CSF3R: variants seen among roughly 807,000 people sequenced by gnomAD.
CSF3R encodes the protein colony stimulating factor 3 receptor, also known as granulocyte colony-stimulating factor receptor.
CSF3R carries 52 observed loss-of-function variants against 84.4 expected under a neutral mutation model. The observed-to-expected ratio is 0.62, with a 90% CI of 0.49 to 0.78. The LOEUF (loss-of-function observed/expected upper bound fraction) is 0.78. Among genes scored for constraint, CSF3R ranks in the 30% least tolerant of loss-of-function variants. CSF3R has a pLI of 0.00. For synonymous variants in CSF3R, 384 were observed against 429.1 expected, an observed-to-expected ratio of 0.89 and a Z score of 1.30; for missense variants, 890 against 1,055.7, an observed-to-expected ratio of 0.84 and a Z score of 2.17.
Position 36,467,985 on chromosome 1 carries a change from A to G in CSF3R, c.1724-23T>C, listed in dbSNP as rs374981144. On this transcript the variant is annotated intron_variant, in intron 13 of 16. Coordinates refer to ENST00000373106, the MANE Select transcript of CSF3R (RefSeq NM_000760.4). The surrounding 1 kb of genome is among the most constrained non-coding windows in gnomAD (Gnocchi z 4.1). ...CGGCTGGGAGGGGTGTACGGTCAGC[A>G]TAGGCCTGGATGGTAAAGCTGCCTC... The G allele has an allele frequency of 4.3e-6, 7 of 1,614,096 alleles. No homozygotes were observed. The highest frequency in any genetic ancestry group is 3.3e-4 in the Middle Eastern group (2 of 6,084).
At chr1:36,477,450 A>G (rs1355372190) in intron 3 of CSF3R, 1 of 151,196 alleles carries the variant, frequency 6.6e-6, no homozygotes, top group Non-Finnish European at 1.5e-5. Context: ...TTTAGTAGAG[A>G]TGGGTTTTCA....
intron 5 of CSF3R, 70 bp downstream of exon 5, chr1:36,473,694 G>A (rs1650934143): frequency 3.1e-6 from 5 of 1,613,952 alleles, no homozygotes; most frequent in East Asian, 2.2e-5. Flanking sequence ...CCAGAGGCAT[G>A]CCCAGCATCC....
chr1:36,483,265 C>G (rs1044286709), upstream of CSF3R: 3 of 152,296 alleles, frequency 2.0e-5, no homozygotes, highest in Admixed American at 2.0e-4. Context: ...TCACCCGGCC[C>G]TAAGCCTCTT....
chr1:36,469,756 T>C lies in CSF3R; in HGVS notation c.1370A>G (p.Gln457Arg), dbSNP rs2124111081. 6.2e-7 allele frequency: 1 copy of C among 1,614,178 alleles called. No homozygotes were observed. Among genetic ancestry groups the C allele is most frequent in the South Asian group, 1.1e-5 (1 of 91,084 alleles). The stretch of plus-strand genomic sequence containing the variant: ...CAGGCCCCACTCAATCACATAGCCC[T>C]GAGGCCATGGATTGGGGGGCTCCCA... The part of the protein sequence containing the change: ...VGWEPPNPWP[Q>R]GYVIEWGLGP... The change falls in exon 11 of 17, where the codon CAG becomes CGG. Residue 457 changes from glutamine (Q) to arginine (R), a missense_variant. Physicochemically the swap from Gln to Arg is conservative, Grantham distance 43. Coordinates refer to ENST00000373106, the MANE Select transcript of CSF3R (RefSeq NM_000760.4).
At chr1:36,476,724 G>C (rs1651178138) in intron 3 of CSF3R, among the ~76,000 whole-genome samples, 1 of 150,974 alleles carries the variant, frequency 6.6e-6, no homozygotes, top group Non-Finnish European at 1.5e-5. Context: ...GCAGTGGCAC[G>C]ATCACGGCTC....
At chr1:36,480,732 G>A (rs1651467218) in intron 2 of CSF3R, among the ~76,000 whole-genome samples, 1 of 152,252 alleles carries the variant, frequency 6.6e-6, no homozygotes, top group African/African-American at 2.4e-5. Context: ...AGACAGAGGT[G>A]TGGATAAGAA....
In CSF3R at chr1:36,466,915, G is replaced by C; in HGVS notation, c.2041-88C>G. On this transcript the variant is annotated intron_variant, in intron 16 of 16. Transcript: ENST00000373106. The surrounding 1 kb of genome is among the most constrained non-coding windows in gnomAD (Gnocchi z 4.6). ...CCTGTCTGGGTCCGGGCAGCTGTGGGGACATTCAACTGTTGTTACTGGTGG... is the reference window on the plus strand; with the variant it reads ...CCTGTCTGGGTCCGGGCAGCTGTGGCGACATTCAACTGTTGTTACTGGTGG... 1 of 1,613,592 alleles carries C rather than the reference G, an allele frequency of 6.2e-7. No homozygotes were observed.
chr1:36,469,963 T>C (rs971283758), intron 10 of CSF3R, 123 bp from the exon 11 acceptor site: 2 of 988,938 alleles, frequency 2.0e-6, no homozygotes, highest in African/African-American at 3.2e-5. Context: ...TAGGTCAACA[T>C]CTTAGCCTCA....
In CSF3R at chr1:36,468,117, G is replaced by C. The variant is rs1198283969; in HGVS notation, c.1681C>G (p.His561Asp). The C allele has an allele frequency of 6.2e-7, 1 of 1,614,224 alleles. No individual in the cohort carries two copies. The highest frequency in any genetic ancestry group is 1.7e-5 in the Admixed American group (1 of 60,032). Residue 561 changes from histidine to aspartate, a missense_variant, in exon 13 of 17, where the codon CAC becomes GAC. By Grantham distance (81) the His-to-Asp change is moderately conservative. Coordinates refer to ENST00000373106, the MANE Select transcript of CSF3R (RefSeq NM_000760.4). ...PPELGKSPLT[H>D]YTIFWTNAQN... The stretch of plus-strand genomic sequence containing the variant: ...GCGTTGGTCCAGAAGATGGTGTAGT[G>C]GGTAAGGGGGCTCTTCCCCAGCTCA...
chr1:36,472,322 G>A lies in CSF3R; in HGVS notation c.913C>T (p.Leu305=). The A allele has an allele frequency of 6.2e-7, 1 of 1,614,228 alleles. No homozygotes were observed. The highest frequency in any genetic ancestry group is 8.5e-7 in the Non-Finnish European group (1 of 1,180,032). ...CGLLPATAYT[L]QIRCIRWPLP... is the part of the protein sequence containing the mutation. ...GGCCAGCGGATGCAGCGTATCTGCA[G>A]GGTGTAGGCCGTGGCTGGGAGGAGC... Residue 305 remains leucine, a synonymous_variant, in exon 8 of 17, where the codon CTG becomes TTG. Transcript: ENST00000373106. This position sits in a 1 kb window ranked among gnomAD's most constrained non-coding sequence, Gnocchi z 5.0.
In CSF3R at chr1:36,474,011, CCT is replaced by C. The variant is rs1338003958; in HGVS notation, c.362-126_362-125del. The stretch of plus-strand genomic sequence containing the variant: ...CCTCTGTTGTCACCTTGTCTGTCCC[CCT>C]GTCTCCAGGCAGAGTGGCTCTGGAA... On this transcript the variant is annotated intron_variant, in intron 4 of 16. Coordinates refer to ENST00000373106, the MANE Select transcript of CSF3R (RefSeq NM_000760.4). 5.8e-5 allele frequency: 84 copies of C among 1,443,346 alleles called. No individual in the cohort carries two copies. The Middle Eastern group carries it at 9.8e-4, about 17-fold the overall frequency. The allele number at this position is 1,443,346 out of a possible 1,614,324, so 89.4% of individuals were successfully genotyped here. A position where few individuals can be genotyped will look rare whatever the true frequency, so the allele number is the denominator to read the frequency against.
At chr1:36,471,386 T>C in intron 10 of CSF3R, 47 bp downstream of exon 10, 10 of 1,567,014 alleles carry the variant, frequency 6.4e-6, no homozygotes, top group East Asian at 2.2e-5. Context: ...AGCCTTTGAA[T>C]TGATGCGCTT....
intron 11 of CSF3R, 73 bp downstream of exon 11, chr1:36,469,579 C>T (rs776942736): frequency 1.0e-4 from 161 of 1,561,942 alleles, no homozygotes; most frequent in Non-Finnish European, 1.4e-4. Context: ...TTCAGGTTGT[C>T]CCATGCCTAT....
Position 36,466,259 on chromosome 1 carries a change from T to A in CSF3R, c.*98A>T. On this transcript the variant is annotated 3_prime_UTR_variant, in exon 17 of 17. Coordinates refer to ENST00000373106, the MANE Select transcript of CSF3R (RefSeq NM_000760.4). The surrounding 1 kb of genome is among the most constrained non-coding windows in gnomAD (Gnocchi z 4.6). ...GACTGGAGATGGTGAGAGCCTGGGCTGGGGTAGTTTTTAGTCATGGGCTTA... is the reference window on the plus strand; with the variant it reads ...GACTGGAGATGGTGAGAGCCTGGGCAGGGGTAGTTTTTAGTCATGGGCTTA... 6.2e-7 allele frequency: 1 copy of A among 1,613,232 alleles called. No homozygotes were observed. The highest frequency in any genetic ancestry group is 8.5e-7 in the Non-Finnish European group (1 of 1,179,656).
chr1:36,472,667 C>T lies in CSF3R; in HGVS notation c.693G>A (p.Met231Ile), dbSNP rs1468169521. Residue 231 changes from methionine to isoleucine, a missense_variant, in exon 7 of 17, where the codon ATG becomes ATA. By Grantham distance (10) the Met-to-Ile change is conservative. Coordinates refer to ENST00000373106, the MANE Select transcript of CSF3R (RefSeq NM_000760.4). The surrounding 1 kb of genome is among the most constrained non-coding windows in gnomAD (Gnocchi z 5.0). ...PMDVVKLEPP[M>I]LRTMDPSPEA... is the part of the protein sequence containing the mutation. ...CAGGGCTGGGGTCCATGGTCCGCAG[C>T]ATGGGGGGCTCCAGTTTCACTGCAA... is the stretch of plus-strand genomic sequence containing the variant. 3 of 1,602,016 alleles carry T rather than the reference C, an allele frequency of 1.9e-6. No individual in the cohort carries two copies. The highest frequency in any genetic ancestry group is 2.6e-6 in the Non-Finnish European group (3 of 1,172,646).
Position 36,467,116 on chromosome 1 carries a change from G to T in CSF3R, c.2040+114C>A. 1.5e-6 allele frequency: 2 copies of T among 1,326,328 alleles called. No homozygotes were observed. The highest frequency in any genetic ancestry group is 1.2e-5 in the South Asian group (1 of 83,462). 82.2% of individuals were successfully genotyped at this position (1,326,328 alleles called of 1,614,324 possible). On this transcript the variant is annotated intron_variant, in intron 16 of 16. Coordinates refer to ENST00000373106, the MANE Select transcript of CSF3R (RefSeq NM_000760.4). This position sits in a 1 kb window ranked among gnomAD's most constrained non-coding sequence, Gnocchi z 4.1. ...TGGGTCTGCTTCAGTCCAAAGGGAC[G>T]AGATGTTGCCGGAAGTGACAGGAAG... is the stretch of plus-strand genomic sequence containing the variant.
Position 36,472,760 on chromosome 1 carries a change from C to G in CSF3R, c.674-74G>C. 3.5e-6 allele frequency: 5 copies of G among 1,443,952 alleles called. No individual in the cohort carries two copies. The highest frequency in any genetic ancestry group is 4.6e-6 in the Non-Finnish European group (5 of 1,089,614). 89.4% of individuals were successfully genotyped at this position (1,443,952 alleles called of 1,614,324 possible). ...GCTCTGCCTTAGCTCCCTCTTGTCT[C>G]CCTGTCTGTGGTTCACCATCTGTCC... On this transcript the variant is annotated intron_variant, in intron 6 of 16. Coordinates refer to ENST00000373106, the MANE Select transcript of CSF3R (RefSeq NM_000760.4). The surrounding 1 kb of genome is among the most constrained non-coding windows in gnomAD (Gnocchi z 5.0).
In CSF3R at chr1:36,481,552, T is replaced by G. The variant is rs1240984880; in HGVS notation, c.-80-15A>C. The G allele has an allele frequency of 6.6e-6, 1 of 152,222 alleles. No individual in the cohort carries two copies. The highest frequency in any genetic ancestry group is 1.5e-5 in the Non-Finnish European group (1 of 68,032). 9.4% of individuals were successfully genotyped at this position (152,222 alleles called of 1,614,324 possible). On this transcript the variant is annotated splice_polypyrimidine_tract_variant and intron_variant, in intron 1 of 16. Transcript: ENST00000373106. Reference sequence around the variant, plus strand: ...AGTTTCCCCATCTGTGGGAAAGAAATAACATTAGCACTCACTCCTCAGCGT... The same window carrying G: ...AGTTTCCCCATCTGTGGGAAAGAAAGAACATTAGCACTCACTCCTCAGCGT...
Position 36,472,371 on chromosome 1 carries a change from C to T in CSF3R, c.864G>A (p.Glu288=), listed in dbSNP as rs1244122140. 8 of 1,614,142 alleles carry T rather than the reference C, an allele frequency of 5.0e-6. No homozygotes were observed. The highest frequency in any genetic ancestry group is 1.1e-5 in the South Asian group (1 of 91,088). The part of the protein sequence containing the change: ...SWALVGPLPL[E]ALQYELCGLL... ...GCCCGCAGAGCTCATACTGAAGGGC[C>T]TCCAAGGGGAGGGGGCCCACCTGGT... The change falls in exon 8 of 17, where the codon GAG becomes GAA. Residue 288 remains glutamate (E), a synonymous_variant. Coordinates refer to ENST00000373106, the MANE Select transcript of CSF3R (RefSeq NM_000760.4). This position sits in a 1 kb window ranked among gnomAD's most constrained non-coding sequence, Gnocchi z 5.0.
Sources: gnomAD v4.1 joint callset for allele counts (sites outside exome capture counted in the v4.1 genomes callset) on GRCh38, gnomAD v4.1.1 for gene constraint, Gnocchi (gnomAD v3.1) non-coding constraint, MANE v1.5 for transcripts, NCBI Gene and HGNC (gene_info 2026-07-23, HGNC 2026-07-21) for gene names.